Variants in SUMF1 observed in about 807,000 individuals in gnomAD.
The protein encoded by SUMF1 is formylglycine-generating enzyme.
A neutral mutation model predicts 47.6 loss-of-function variants in SUMF1; 48 were observed. That is an observed-to-expected ratio of 1.01 (90% CI 0.80 to 1.28). The LOEUF is 1.28. SUMF1 is among the 50% of genes most tolerant of loss of function. The pLI, the probability that SUMF1 is intolerant of heterozygous loss-of-function variation, is 0.00. For synonymous variants in SUMF1, 230 were observed against 192.1 expected (o/e 1.20, Z -1.63); for missense variants, 571 against 485.4 (o/e 1.18, Z -1.66).
chr3:4,127,315 A>G (rs1231133811), intron 8 of SUMF1, among the ~76,000 whole-genome samples: 1 of 152,164 alleles, frequency 6.6e-6, no homozygotes, highest in African/African-American at 2.4e-5. Flanking sequence ...TTGGGTGTCA[A>G]CTTGATCGGA....
chr3:4,175,269 C>T (rs914597037), intron 8 of SUMF1, among the ~76,000 whole-genome samples: 2 of 152,268 alleles, frequency 1.3e-5, no homozygotes, highest in East Asian at 1.9e-4. Context: ...AACTGGGAGA[C>T]ACCTCCCAGT....
intron 8 of SUMF1, among the ~76,000 whole-genome samples, chr3:4,287,011 T>A (rs1453662746): frequency 6.6e-6 from 1 of 152,220 alleles, no homozygotes; most frequent in African/African-American, 2.4e-5. Flanking sequence ...ATTATTTTCA[T>A]AATAATACTT....
At chr3:4,379,313 G>A (rs774514526) in intron 7 of SUMF1, among the ~76,000 whole-genome samples, 7 of 152,234 alleles carry the variant, frequency 4.6e-5, no homozygotes, top group South Asian at 4.2e-4. Context: ...GGATTAGGGC[G>A]GGCCCTAAAT....
At chr3:4,244,687 C>T (rs574327155) in intron 8 of SUMF1, among the ~76,000 whole-genome samples, 13 of 152,280 alleles carry the variant, frequency 8.5e-5, no homozygotes, top group Non-Finnish European at 1.8e-4. Context: ...CTGCCCTTAA[C>T]ATTTTTTCCT....
At chr3:4,258,474 A>C (rs1400965367) in intron 8 of SUMF1, among the ~76,000 whole-genome samples, 1 of 143,104 alleles carries the variant, frequency 7.0e-6, no homozygotes, top group African/African-American at 2.7e-5. Context: ...ACACTTCTCA[A>C]AAGAAGACAT....
intron 8 of SUMF1, among the ~76,000 whole-genome samples, chr3:4,335,913 A>G (rs1329239288): frequency 7.1e-6 from 1 of 140,814 alleles, no homozygotes; most frequent in African/African-American, 2.7e-5. Flanking sequence ...TGAACTGAAG[A>G]TCATGCCATT....
At chr3:4,367,852 C>T (rs1209447274) in intron 8 of SUMF1, among the ~76,000 whole-genome samples, 1 of 151,582 alleles carries the variant, frequency 6.6e-6, no homozygotes, top group African/African-American at 2.4e-5. Flanking sequence ...GGATTAAAGA[C>T]TTAAACGTTA....
chr3:4,269,738 A>G (rs1368287201), intron 8 of SUMF1, among the ~76,000 whole-genome samples: 4 of 152,222 alleles, frequency 2.6e-5, no homozygotes, highest in African/African-American at 9.6e-5. Context: ...ATTGGAAGCC[A>G]TGAAGCTCAC....
intron 8 of SUMF1, among the ~76,000 whole-genome samples, chr3:4,191,103 G>A (rs1215582756): frequency 6.6e-6 from 1 of 152,162 alleles, no homozygotes; most frequent in Non-Finnish European, 1.5e-5. Context: ...ACCAAGTCTG[G>A]TAAAGAATCA....
At chr3:4,249,557 A>G (rs995161034) in intron 8 of SUMF1, among the ~76,000 whole-genome samples, 18 of 152,152 alleles carry the variant, frequency 1.2e-4, no homozygotes, top group African/African-American at 4.3e-4. Context: ...AACTTAATAA[A>G]TGTTTGTGTT....
chr3:4,437,827 T>C lies in SUMF1; in HGVS notation c.519+11439A>G, dbSNP rs375415539. Among the ~76,000 whole-genome samples the C allele has an allele frequency of 2.2e-3, 335 of 152,206 alleles. 1 individual carries two copies. The highest frequency in any genetic ancestry group is 7.7e-3 in the African/African-American group (319 of 41,534). On this transcript the variant is annotated intron_variant, in intron 3 of 8. Transcript: ENST00000272902. ...GGTGGTGCACTCCTGTAATTCTAGC[T>C]ACTTGGGAGACTGAGGCAGGAGAAT... is the stretch of plus-strand genomic sequence containing the variant.
intron 8 of SUMF1, among the ~76,000 whole-genome samples, chr3:4,108,731 G>T (rs1190963127): frequency 6.6e-6 from 1 of 152,014 alleles, no homozygotes; most frequent in Non-Finnish European, 1.5e-5. Flanking sequence ...TTTTATCAGA[G>T]ACTAGGATTG....
intron 8 of SUMF1, among the ~76,000 whole-genome samples, chr3:4,277,589 G>A (rs927497190): frequency 6.6e-5 from 10 of 152,076 alleles, no homozygotes; most frequent in Non-Finnish European, 1.3e-4. Flanking sequence ...GACACAGTAG[G>A]ACCTTGAATT....
At chr3:4,365,863 C>G (rs1699935579) in intron 8 of SUMF1, among the ~76,000 whole-genome samples, 1 of 152,084 alleles carries the variant, frequency 6.6e-6, no homozygotes, top group African/African-American at 2.4e-5. Context: ...ACCGGTTGTT[C>G]CTTTCCATAT....
chr3:4,167,779 C>T (rs1405313056), intron 8 of SUMF1, among the ~76,000 whole-genome samples: 1 of 152,160 alleles, frequency 6.6e-6, no homozygotes, highest in Non-Finnish European at 1.5e-5. Flanking sequence ...TAAGATTTGA[C>T]TTATATTTAT....
At chr3:4,290,751 C>T (rs909797346) in intron 8 of SUMF1, among the ~76,000 whole-genome samples, 1 of 152,162 alleles carries the variant, frequency 6.6e-6, no homozygotes, top group Non-Finnish European at 1.5e-5. Context: ...CCCTGCTAGA[C>T]TGTAGGTATT....
At chr3:4,242,129 T>C (rs1171192110) in intron 8 of SUMF1, among the ~76,000 whole-genome samples, 1 of 152,208 alleles carries the variant, frequency 6.6e-6, no homozygotes, top group Admixed American at 6.5e-5. Flanking sequence ...TGACTTTGTA[T>C]GCTAAGACTT....
intron 8 of SUMF1, among the ~76,000 whole-genome samples, chr3:4,243,001 G>A (rs1696577442): frequency 6.6e-6 from 1 of 152,110 alleles, no homozygotes; most frequent in African/African-American, 2.4e-5. Context: ...GTTTAGTCTT[G>A]GGAGGGTGTA....
chr3:4,236,692 T>C (rs576374561), intron 8 of SUMF1, among the ~76,000 whole-genome samples: 6 of 152,124 alleles, frequency 3.9e-5, no homozygotes, highest in Non-Finnish European at 7.4e-5. Flanking sequence ...CCTTGTCACC[T>C]ATCAACATCC....
Sources: gnomAD v4.1 joint callset for allele counts (sites outside exome capture counted in the v4.1 genomes callset) on GRCh38, gnomAD v4.1.1 for gene constraint, MANE v1.5 for transcripts, NCBI Gene and HGNC (gene_info 2026-07-23, HGNC 2026-07-21) for gene names.